Variants in PICALM observed in about 807,000 individuals in gnomAD.
PICALM encodes the protein phosphatidylinositol-binding clathrin assembly protein.
In PICALM, 40 loss-of-function variants were observed where a neutral mutation model predicts 80.5. That is an observed-to-expected ratio of 0.50 (90% CI 0.39 to 0.65). PICALM has a LOEUF of 0.65. PICALM is among the 30% of genes least tolerant of loss of function. The pLI, the probability that PICALM is intolerant of heterozygous loss-of-function variation, is 0.00. For synonymous variants in PICALM, 288 were observed against 260.3 expected (o/e 1.11, Z -1.02); for missense variants, 676 against 778.9 (o/e 0.87, Z 1.57).
intron 6 of PICALM, among the ~76,000 whole-genome samples, chr11:86,011,512 T>C (rs1592889486): frequency 2.0e-5 from 3 of 152,318 alleles, no homozygotes; most frequent in African/African-American, 7.2e-5. Context: ...CATGCCCAAA[T>C]GTCACTCAGA....
intron 19 of PICALM, among the ~76,000 whole-genome samples, chr11:85,965,619 G>C (rs531220145): frequency 6.6e-6 from 1 of 152,210 alleles, no homozygotes; most frequent in South Asian, 2.1e-4. Flanking sequence ...CTGTGAGATA[G>C]TGCTAAAAGA....
intron 19 of PICALM, chr11:85,974,486 C>G (rs1347500404): frequency 1.5e-6 from 1 of 652,396 alleles, no homozygotes; most frequent in East Asian, 3.2e-5. Context: ...TATAAGTTAC[C>G]AAGAATTTTC....
In PICALM at chr11:86,041,515, A is replaced by C. The variant is rs140873045; in HGVS notation, c.131-9904T>G. On this transcript the variant is annotated intron_variant, in intron 1 of 19. Coordinates refer to ENST00000393346, the MANE Select transcript of PICALM (RefSeq NM_007166.4). ...CCTTTTTATTTGTGGCAGAGGAAAG[A>C]TGAGGAACTGAAAAGGGAATATGTA... 3.1e-3 allele frequency among the ~76,000 whole-genome samples: 474 copies of C among 151,850 alleles called. 4 individuals carry two copies. Among genetic ancestry groups the C allele is most frequent in the South Asian group, 0.01 (50 of 4,818 alleles).
chr11:85,963,133 A>G (rs2093746160), intron 19 of PICALM, among the ~76,000 whole-genome samples: 1 of 152,242 alleles, frequency 6.6e-6, no homozygotes, highest in South Asian at 2.1e-4. Context: ...TAGGGTTGCT[A>G]AAGAACATAA....
At chr11:86,013,916 A>G (rs2095439416) in intron 5 of PICALM, among the ~76,000 whole-genome samples, 1 of 152,196 alleles carries the variant, frequency 6.6e-6, no homozygotes, top group Non-Finnish European at 1.5e-5. Context: ...CTGTGTTCCA[A>G]TAATACTATT....
At chr11:86,035,613 T>G (rs1018405503) in intron 1 of PICALM, among the ~76,000 whole-genome samples, 2 of 152,032 alleles carry the variant, frequency 1.3e-5, no homozygotes, top group African/African-American at 4.8e-5. Context: ...CCTCATAAAT[T>G]TACAACCTAA....
At chr11:86,068,013 G>T (rs1253593846) in intron 1 of PICALM, among the ~76,000 whole-genome samples, 3 of 152,196 alleles carry the variant, frequency 2.0e-5, no homozygotes, top group Non-Finnish European at 4.4e-5. Context: ...ACTGGGTATG[G>T]TATTTAAAAT....
chr11:86,019,719 T>A (rs1327447680), intron 4 of PICALM, among the ~76,000 whole-genome samples: 2 of 152,218 alleles, frequency 1.3e-5, no homozygotes, highest in East Asian at 3.8e-4. Flanking sequence ...AATAATCACC[T>A]CCTGATGGAT....
At chr11:86,035,745 C>G (rs1447591518) in intron 1 of PICALM, among the ~76,000 whole-genome samples, 1 of 149,786 alleles carries the variant, frequency 6.7e-6, no homozygotes, top group African/African-American at 2.5e-5. Context: ...GAGTTCGAGA[C>G]CAGCCTGGCC....
intron 1 of PICALM, among the ~76,000 whole-genome samples, chr11:86,056,309 T>C (rs995034827): frequency 6.7e-6 from 1 of 148,842 alleles, no homozygotes; most frequent in African/African-American, 2.5e-5. Flanking sequence ...TCTTCTGGTA[T>C]CCAGAATACA....
intron 2 of PICALM, among the ~76,000 whole-genome samples, chr11:86,026,847 C>A (rs899100496): frequency 6.6e-6 from 1 of 152,184 alleles, no homozygotes; most frequent in African/African-American, 2.4e-5. Context: ...AACATTATAG[C>A]CTCCATTGAA....
chr11:85,959,421 T>A (rs2093612482), intron 19 of PICALM, among the ~76,000 whole-genome samples: 1 of 151,844 alleles, frequency 6.6e-6, no homozygotes, highest in South Asian at 2.1e-4. Context: ...TGAGGTGAGT[T>A]CGAGAGTTCG....
At chr11:85,981,029 C>T in intron 17 of PICALM, 100 bp downstream of exon 17, 1 of 667,630 alleles carries the variant, frequency 1.5e-6, no homozygotes, top group Non-Finnish European at 2.7e-6. Flanking sequence ...AACTCAGTAA[C>T]AATCCTTCTA....
chr11:86,015,048 A>T (rs2095458438), intron 4 of PICALM, 85 bp from the exon 5 acceptor site: 1 of 741,128 alleles, frequency 1.3e-6, no homozygotes. Context: ...TTCTACTAAA[A>T]CAGAGAACCA....
rs537759955 is a variant in PICALM at position 86,054,906 on chromosome 11, G to A, written c.130+13745C>T. Among the ~76,000 whole-genome samples the A allele has an allele frequency of 6.2e-4, 94 of 152,052 alleles. 2 individuals carry two copies. Among genetic ancestry groups the A allele is most frequent in the African/African-American group, 2.1e-3 (86 of 41,478 alleles). On this transcript the variant is annotated intron_variant, in intron 1 of 19. Coordinates refer to ENST00000393346, the MANE Select transcript of PICALM (RefSeq NM_007166.4). ...TCCACCTTGGCCTCCCAAAGTGCTG[G>A]GATTACAGGCGTGAGCCACTGTGCC...
In PICALM at chr11:85,998,018, A is replaced by G. The variant is rs79656134; in HGVS notation, c.1155-1089T>C. On this transcript the variant is annotated intron_variant, in intron 11 of 19. Transcript: ENST00000393346. ...GCTGGCCTCGAACTCCTGACCTCAG[A>G]TGATCCACCCACCTGAGCCTCCCAA... Among the ~76,000 whole-genome samples the G allele has an allele frequency of 2.5e-4, 37 of 150,658 alleles. No homozygotes were observed. The East Asian group carries it at 6.5e-3, about 27-fold the overall frequency.
intron 19 of PICALM, among the ~76,000 whole-genome samples, chr11:85,972,496 C>G (rs1212840322): frequency 6.6e-6 from 1 of 152,162 alleles, no homozygotes; most frequent in Non-Finnish European, 1.5e-5. Context: ...GCAGACCCAT[C>G]TACCTTAAAG....
chr11:86,029,533 TGTCA>T (rs1201645083), intron 2 of PICALM, among the ~76,000 whole-genome samples: 1 of 152,366 alleles, frequency 6.6e-6, no homozygotes, highest in Non-Finnish European at 1.5e-5. Context: ...TTTCTCCCCT[TGTCA>T]GTCAATCTAC....
intron 1 of PICALM, among the ~76,000 whole-genome samples, chr11:86,044,048 T>C (rs763037357): frequency 4.6e-5 from 7 of 152,242 alleles, no homozygotes; most frequent in Admixed American, 6.5e-5. Context: ...AACTGCATAC[T>C]ATAATACGCC....
Sources: gnomAD v4.1 joint callset for allele counts (sites outside exome capture counted in the v4.1 genomes callset) on GRCh38, gnomAD v4.1.1 for gene constraint, MANE v1.5 for transcripts, NCBI Gene and HGNC (gene_info 2026-07-23, HGNC 2026-07-21) for gene names.